FMN1: variants seen among roughly 807,000 people sequenced by gnomAD.
FMN1 encodes formin-1.
Under a neutral mutation model 132.4 loss-of-function variants are expected in FMN1, and 110 were observed. The ratio of observed to expected loss-of-function variants is 0.83; its 90% CI spans 0.71 to 0.97. The LOEUF (loss-of-function observed/expected upper bound fraction) is 0.97. Among genes scored for constraint, FMN1 ranks in the 50% least tolerant of loss-of-function variants. The pLI is 0.00. For missense variants in FMN1, 1,792 were observed against 1,705.3 expected (o/e 1.05, Z -0.90); for synonymous variants, 722 against 651.7 (o/e 1.11, Z -1.64).
intron 16 of FMN1, among the ~76,000 whole-genome samples, chr15:32,874,517 G>A (rs2059593897): frequency 6.6e-6 from 1 of 152,152 alleles, no homozygotes; most frequent in Non-Finnish European, 1.5e-5. Flanking sequence ...GGGCTTTGCA[G>A]ATGTTTTTAT....
intron 6 of FMN1, among the ~76,000 whole-genome samples, chr15:33,010,027 C>T (rs764666942): frequency 6.6e-6 from 1 of 152,132 alleles, no homozygotes; most frequent in Non-Finnish European, 1.5e-5. Flanking sequence ...GCTGGGATTA[C>T]AGCCCACCAC....
At chr15:32,881,200 T>C (rs953439760) in intron 16 of FMN1, among the ~76,000 whole-genome samples, 2 of 152,200 alleles carry the variant, frequency 1.3e-5, no homozygotes, top group African/African-American at 4.8e-5. Flanking sequence ...TTTTTAGACA[T>C]TTTAAATGAC....
In FMN1 at chr15:32,917,376, T is replaced by C. The variant is rs145295414; in HGVS notation, c.3227-6841A>G. On this transcript the variant is annotated intron_variant, in intron 10 of 20. Coordinates refer to ENST00000616417, the MANE Select transcript of FMN1 (RefSeq NM_001277313.2). ...AACCCAGATATGCACAAATCCTCAC[T>C]CTATGCAAGTATCCAAATGAGACGC... Among the ~76,000 whole-genome samples, 191 of 152,262 alleles carry C rather than the reference T, an allele frequency of 1.3e-3. 4 individuals carry two copies. In the East Asian group the frequency reaches 0.018, roughly 14 times the overall value.
At position 33,088,942 on chromosome 15, in the gene FMN1, A is replaced by G. The variant is rs763352249; in HGVS notation, c.1900T>C (p.Phe634Leu). Residue 634 changes from phenylalanine (F) to leucine (L), a missense_variant, in exon 5 of 21, where the codon TTC becomes CTC. By Grantham distance (22) the Phe-to-Leu change is conservative. Transcript: ENST00000616417. ...ISSEGFPWDGFNEQTPKDLPN... is the reference protein window; with the variant it reads ...ISSEGFPWDGLNEQTPKDLPN... Reference sequence around the variant, plus strand: ...AGGTCTTTAGGTGTCTGCTCATTGAAGCCGTCCCAGGGAAAGCCCTCAGAG... The same window carrying G: ...AGGTCTTTAGGTGTCTGCTCATTGAGGCCGTCCCAGGGAAAGCCCTCAGAG... 1.3e-6 allele frequency: 2 copies of G among 1,535,794 alleles called. No individual in the cohort carries two copies.
At chr15:32,907,311 G>A (rs2060451124) in intron 12 of FMN1, among the ~76,000 whole-genome samples, 1 of 152,128 alleles carries the variant, frequency 6.6e-6, no homozygotes, top group South Asian at 2.1e-4. Context: ...CCATCTGGGG[G>A]TGATGGGAGA....
intron 17 of FMN1, among the ~76,000 whole-genome samples, chr15:32,821,226 G>C (rs962725917): frequency 6.6e-6 from 1 of 151,700 alleles, no homozygotes; most frequent in African/African-American, 2.4e-5. Flanking sequence ...TTTCCTTTCA[G>C]CTGCCTGGGT....
intron 2 of FMN1, 139 bp from the exon 3 acceptor site, chr15:33,180,401 C>T (rs758566632): frequency 6.6e-6 from 1 of 152,154 alleles, no homozygotes; most frequent in African/African-American, 2.4e-5. Context: ...ACAATGCTGA[C>T]CCTTTAAGGT....
chr15:33,072,084 A>G (rs1442756693), intron 5 of FMN1, among the ~76,000 whole-genome samples: 1 of 152,102 alleles, frequency 6.6e-6, no homozygotes, highest in African/African-American at 2.4e-5. Context: ...ACAAACAAAC[A>G]AACAAAAAAA....
chr15:32,980,256 G>A (rs192764861), intron 7 of FMN1, among the ~76,000 whole-genome samples: 2 of 151,730 alleles, frequency 1.3e-5, no homozygotes, highest in African/African-American at 4.8e-5. Context: ...CTTAAGAAAT[G>A]GACCCAAAGA....
chr15:32,825,348 C>T (rs983628121), intron 17 of FMN1, among the ~76,000 whole-genome samples: 1 of 152,198 alleles, frequency 6.6e-6, no homozygotes, highest in Non-Finnish European at 1.5e-5. Flanking sequence ...AGGTGGTCTG[C>T]CCTAGTTCTA....
intron 6 of FMN1, among the ~76,000 whole-genome samples, chr15:33,031,903 T>C (rs2035953737): frequency 6.6e-6 from 1 of 152,264 alleles, no homozygotes; most frequent in Non-Finnish European, 1.5e-5. Context: ...AGCAGTAATG[T>C]ATCAATTTTT....
intron 5 of FMN1, chr15:33,066,665 G>A: frequency 6.2e-7 from 1 of 1,613,804 alleles, no homozygotes; most frequent in South Asian, 1.1e-5. Flanking sequence ...GATGAATAGG[G>A]CTTTAAAAGC....
At chr15:32,782,498 A>G (rs1384506621) in intron 19 of FMN1, among the ~76,000 whole-genome samples, 1 of 152,244 alleles carries the variant, frequency 6.6e-6, no homozygotes, top group Admixed American at 6.5e-5. Context: ...CTAAATATTT[A>G]CACGTGTCAT....
At chr15:33,119,629 G>C (rs577937149) in intron 4 of FMN1, among the ~76,000 whole-genome samples, 1 of 152,098 alleles carries the variant, frequency 6.6e-6, no homozygotes, top group African/African-American at 2.4e-5. Flanking sequence ...TCTCTTTCAA[G>C]GGATAGAAGT....
At chr15:33,005,025 A>T (rs1202764417) in intron 7 of FMN1, among the ~76,000 whole-genome samples, 2 of 152,012 alleles carry the variant, frequency 1.3e-5, no homozygotes. Flanking sequence ...AACATCACAC[A>T]CCAGGGACTG....
intron 2 of FMN1, among the ~76,000 whole-genome samples, chr15:33,182,465 C>T (rs1313570792): frequency 6.6e-6 from 1 of 152,200 alleles, no homozygotes; most frequent in Non-Finnish European, 1.5e-5. Context: ...CCTATCACCT[C>T]ACATTTCTTC....
At chr15:33,102,850 A>G (rs1478444612) in intron 4 of FMN1, among the ~76,000 whole-genome samples, 5 of 152,146 alleles carry the variant, frequency 3.3e-5, no homozygotes, top group Non-Finnish European at 7.4e-5. Flanking sequence ...AAAGAAATGT[A>G]CTTTTAGCAA....
At chr15:33,134,694 T>C (rs1486871287) in intron 4 of FMN1, among the ~76,000 whole-genome samples, 1 of 152,194 alleles carries the variant, frequency 6.6e-6, no homozygotes, top group Non-Finnish European at 1.5e-5. Flanking sequence ...GCTATCTCAC[T>C]TTTTCTGAAA....
At chr15:32,953,762 G>A (rs2061703642) in intron 9 of FMN1, among the ~76,000 whole-genome samples, 1 of 152,170 alleles carries the variant, frequency 6.6e-6, no homozygotes, top group South Asian at 2.1e-4. Flanking sequence ...TCCACCACTG[G>A]CTGCTGCCGC....
Sources: allele counts gnomAD v4.1 joint callset (sites outside exome capture counted in the v4.1 genomes callset), GRCh38; gene constraint gnomAD v4.1.1; transcripts MANE v1.5; gene names NCBI Gene and HGNC (gene_info 2026-07-23, HGNC 2026-07-21).